NTNG1: variants seen among roughly 807,000 people sequenced by gnomAD.
The protein encoded by NTNG1 is netrin-G1.
In NTNG1, 16 loss-of-function variants were observed where a neutral mutation model predicts 54.0. The ratio of observed to expected loss-of-function variants is 0.30; its 90% CI spans 0.20 to 0.45. NTNG1 has a LOEUF of 0.45. Ranked by LOEUF, NTNG1 falls within the 20% of genes least tolerant of loss-of-function variation. NTNG1 has a pLI of 1.00. For missense variants in NTNG1, 530 were observed against 678.7 expected (o/e 0.78, Z 2.43); for synonymous variants, 255 against 263.1 (o/e 0.97, Z 0.30).
At chr1:107,349,731 T>A (rs1342883057) in intron 3 of NTNG1, among the ~76,000 whole-genome samples, 2 of 152,202 alleles carry the variant, frequency 1.3e-5, no homozygotes, top group African/African-American at 4.8e-5. Flanking sequence ...TGCCTTCTTC[T>A]GAGACTTGCT....
At chr1:107,166,169 A>T (rs1188085474) in intron 2 of NTNG1, among the ~76,000 whole-genome samples, 1 of 152,200 alleles carries the variant, frequency 6.6e-6, no homozygotes, top group Non-Finnish European at 1.5e-5. Context: ...ATAAAACCAG[A>T]AGGCCTTTGA....
intron 2 of NTNG1, among the ~76,000 whole-genome samples, chr1:107,305,693 C>T (rs1265785037): frequency 5.3e-5 from 8 of 152,016 alleles, no homozygotes; most frequent in Non-Finnish European, 8.8e-5. Context: ...TGTAGGTTGC[C>T]TGTTCACTCT....
At chr1:107,408,710 G>A (rs191575910) in intron 5 of NTNG1, 10 of 151,842 alleles carry the variant, frequency 6.6e-5, no homozygotes, top group South Asian at 2.1e-4. Flanking sequence ...ATAAATTACC[G>A]AGAAAGCAAG....
chr1:107,376,808 C>T (rs141244564), intron 3 of NTNG1, among the ~76,000 whole-genome samples: 23 of 150,628 alleles, frequency 1.5e-4, no homozygotes, highest in South Asian at 2.1e-4. Context: ...TCTTTTGCTG[C>T]CCCCCCAGCC....
chr1:107,198,965 A>G (rs900906254), intron 2 of NTNG1, among the ~76,000 whole-genome samples: 1 of 151,808 alleles, frequency 6.6e-6, no homozygotes, highest in Non-Finnish European at 1.5e-5. Context: ...TATGCTTCCC[A>G]TGAATCTCCT....
chr1:107,324,987 C>T, intron 3 of NTNG1, 65 bp downstream of exon 3: 2 of 1,457,428 alleles, frequency 1.4e-6, no homozygotes, highest in Non-Finnish European at 1.9e-6. Context: ...CAGAGTGTCT[C>T]ACAGCTGTAA....
chr1:107,420,550 G>A (rs556157), intron 5 of NTNG1, among the ~76,000 whole-genome samples: 143,212 of 152,034 alleles, frequency 0.94, 67,915 homozygotes, highest in East Asian at 1. Context: ...TGCTGAGAAG[G>A]CTACAACTTT....
At chr1:107,193,231 A>G (rs1047664639) in intron 2 of NTNG1, among the ~76,000 whole-genome samples, 12 of 151,832 alleles carry the variant, frequency 7.9e-5, no homozygotes, top group Non-Finnish European at 1.6e-4. Flanking sequence ...CAATACTCTC[A>G]TATTTTTTGC....
At chr1:107,289,259 C>G (rs560452678) in intron 2 of NTNG1, among the ~76,000 whole-genome samples, 1 of 152,136 alleles carries the variant, frequency 6.6e-6, no homozygotes, top group Non-Finnish European at 1.5e-5. Flanking sequence ...TCATCGGGAA[C>G]CTTGTGCTAT....
chr1:107,229,148 G>A (rs565582722), intron 2 of NTNG1, among the ~76,000 whole-genome samples: 1 of 151,878 alleles, frequency 6.6e-6, no homozygotes, highest in Non-Finnish European at 1.5e-5. Context: ...CTGGCTGCAA[G>A]TCTAGGAAAG....
intron 2 of NTNG1, among the ~76,000 whole-genome samples, chr1:107,288,963 C>T (rs148076024): frequency 0.01 from 1,547 of 152,194 alleles, 13 homozygotes; most frequent in Non-Finnish European, 0.014. Context: ...CAAGAAACCT[C>T]GCCTTAATAA....
intron 2 of NTNG1, among the ~76,000 whole-genome samples, chr1:107,156,566 T>C (rs184130622): frequency 2.6e-4 from 39 of 152,296 alleles, no homozygotes; most frequent in African/African-American, 8.2e-4. Flanking sequence ...CTGAAGAATA[T>C]ATAATGAGAA....
chr1:107,339,777 T>A (rs1668795525), intron 3 of NTNG1, among the ~76,000 whole-genome samples: 1 of 152,058 alleles, frequency 6.6e-6, no homozygotes, highest in South Asian at 2.1e-4. Flanking sequence ...CTTTCACGAA[T>A]GTAGAATATA....
intron 2 of NTNG1, among the ~76,000 whole-genome samples, chr1:107,202,629 T>C (rs968862401): frequency 6.6e-6 from 1 of 151,998 alleles, no homozygotes; most frequent in East Asian, 1.9e-4. Flanking sequence ...TTTAGTCCAC[T>C]GTTTTATTGG....
intron 2 of NTNG1, among the ~76,000 whole-genome samples, chr1:107,182,609 A>G (rs1167065640): frequency 6.6e-6 from 1 of 151,854 alleles, no homozygotes; most frequent in Non-Finnish European, 1.5e-5. Context: ...ACTTCCAATC[A>G]CTCACCATTT....
intron 2 of NTNG1, among the ~76,000 whole-genome samples, chr1:107,306,464 G>A (rs1006905330): frequency 3.3e-5 from 5 of 152,146 alleles, no homozygotes; most frequent in African/African-American, 1.2e-4. Flanking sequence ...AAGAGTGGAA[G>A]TGGAGGCCAG....
At chr1:107,185,363 C>A (rs1220464157) in intron 2 of NTNG1, among the ~76,000 whole-genome samples, 3 of 152,010 alleles carry the variant, frequency 2.0e-5, no homozygotes, top group Non-Finnish European at 4.4e-5. Flanking sequence ...TGGTTGCTGG[C>A]GACCCCTGGC....
At chr1:107,306,736 A>G (rs11185085) in intron 2 of NTNG1, among the ~76,000 whole-genome samples, 57,021 of 151,096 alleles carry the variant, frequency 0.38, 12,014 homozygotes, top group African/African-American at 0.57. Flanking sequence ...GGGAGACAGA[A>G]CAAGACTCCA....
At chr1:107,344,205 T>C (rs1669085220) in intron 3 of NTNG1, among the ~76,000 whole-genome samples, 1 of 152,214 alleles carries the variant, frequency 6.6e-6, no homozygotes, top group Non-Finnish European at 1.5e-5. Flanking sequence ...TTATTGTTTT[T>C]AATGCTTATG....
Sources: allele counts gnomAD v4.1 joint callset (sites outside exome capture counted in the v4.1 genomes callset), GRCh38; gene constraint gnomAD v4.1.1; transcripts MANE v1.5; gene names NCBI Gene and HGNC (gene_info 2026-07-23, HGNC 2026-07-21).